Variants in CSTF2 observed in about 807,000 individuals in gnomAD.
CSTF2 encodes cleavage stimulation factor subunit 2.
Under a neutral mutation model 45.4 loss-of-function variants are expected in CSTF2, and 8 were observed. That is an observed-to-expected ratio of 0.18 (90% confidence interval 0.10 to 0.32). CSTF2 has a LOEUF of 0.32. CSTF2 is among the 10% of genes least tolerant of loss of function. CSTF2 has a pLI of 1.00. For synonymous variants in CSTF2, 155 were observed against 158.9 expected (o/e 0.98, Z 0.18); for missense variants, 253 against 477.1 (o/e 0.53, Z 4.38).
At position 100,823,286 on chromosome X, in the gene CSTF2, G is replaced by T. The variant is rs371055912; in HGVS notation, c.308-6G>T. ...CCTAACTTTCTTGTACTTTCTTCTT[G>T]ATTAGGCCTTGGCACTGGTGCCCCT... is the stretch of plus-strand genomic sequence containing the variant. On this transcript the variant is annotated splice_region_variant and splice_polypyrimidine_tract_variant and intron_variant, in intron 3 of 13. Transcript: ENST00000372972. The T allele has an allele frequency of 8.3e-5, 100 of 1,204,584 alleles. No individual in the cohort carries two copies. The highest frequency in any genetic ancestry group is 1.1e-4 in the Non-Finnish European group (97 of 892,887).
At chrX:100,838,417 G>C in intron 13 of CSTF2, 53 bp downstream of exon 13, 2 of 1,088,319 alleles carry the variant, frequency 1.8e-6, no homozygotes, top group South Asian at 2.7e-5. Flanking sequence ...TCTATTCTGG[G>C]TATATACTTT....
chrX:100,831,033 T>C (rs187412576), intron 8 of CSTF2, among the ~76,000 whole-genome samples: 195 of 111,431 alleles, frequency 1.7e-3, no homozygotes, highest in Admixed American at 6.1e-3. Context: ...AAGCCTAAGA[T>C]TGACCTCTTC....
At chrX:100,830,728 A>T (rs1161997055) in intron 8 of CSTF2, 2 of 723,053 alleles carry the variant, frequency 2.8e-6, no homozygotes, top group Non-Finnish European at 4.1e-6. Context: ...CTCAATCTCC[A>T]TGTGTGTGTG....
At chrX:100,836,627 G>A (rs933528602) in intron 11 of CSTF2, among the ~76,000 whole-genome samples, 3 of 111,801 alleles carry the variant, frequency 2.7e-5, no homozygotes. Context: ...TTTTCCTTGG[G>A]TTCTGGTAGT....
chrX:100,822,210 G>T, intron 2 of CSTF2, 41 bp from the exon 3 acceptor site: 1 of 1,115,155 alleles, frequency 9.0e-7, no homozygotes, highest in Non-Finnish European at 1.2e-6. Context: ...AACCCTGTAT[G>T]TGTGTAACAT....
intron 8 of CSTF2, 139 bp downstream of exon 8, chrX:100,828,241 C>T (rs182379967): frequency 2.2e-6 from 1 of 463,033 alleles, no homozygotes; most frequent in East Asian, 4.2e-5. Flanking sequence ...ATTTAAAACT[C>T]AGTTCCTCAG....
At chrX:100,837,681 TTTCA>T (rs1176215316) in intron 12 of CSTF2, among the ~76,000 whole-genome samples, 1 of 112,291 alleles carries the variant, frequency 8.9e-6, no homozygotes, top group Non-Finnish European at 1.9e-5. Flanking sequence ...TTATTTTATA[TTTCA>T]CACTCATCTG....
chrX:100,828,656 C>T (rs1195629002), intron 8 of CSTF2, among the ~76,000 whole-genome samples: 1 of 112,107 alleles, frequency 8.9e-6, no homozygotes, highest in East Asian at 2.8e-4. Flanking sequence ...CTGCTATATA[C>T]AACAGTAGCT....
rs762378220 is a variant in CSTF2 at position 100,832,836 on chromosome X, C to G, written c.1134C>G (p.Pro378=). The G allele has an allele frequency of 8.3e-7, 1 of 1,207,696 alleles. No homozygotes were observed. The highest frequency in any genetic ancestry group is 2.2e-5 in the Admixed American group (1 of 45,650). ...PPHELRGGPL[P]EPRPLMAEPR... is the part of the protein sequence containing the mutation. Reference sequence around the variant, plus strand: ...ATGAACTGAGGGGAGGGCCATTACCCGAGCCCAGACCTCTAATGGCAGAAC... The same window carrying G: ...ATGAACTGAGGGGAGGGCCATTACCGGAGCCCAGACCTCTAATGGCAGAAC... The change falls in exon 10 of 14, where the codon CCC becomes CCG. Residue 378 remains proline, a synonymous_variant. Coordinates refer to ENST00000372972, the MANE Select transcript of CSTF2 (RefSeq NM_001325.3).
rs1353070405 is a variant in CSTF2 at position 100,826,613 on chromosome X, CTG to C, written c.703-19_703-18del. 1.7e-6 allele frequency: 2 copies of C among 1,206,160 alleles called. No homozygotes were observed. The highest frequency in any genetic ancestry group is 1.7e-5 in the African/African-American group (1 of 57,633). The stretch of plus-strand genomic sequence containing the variant: ...GTATCCACAGAGGCATATACATACT[CTG>C]TTTTTTTTGCTTGGTCAGGGTGGAA... On this transcript the variant is annotated intron_variant, in intron 6 of 13. Transcript: ENST00000372972.
In CSTF2 at chrX:100,833,329, C is replaced by T. The variant is rs992645641; in HGVS notation, c.1357C>T (p.Arg453Cys). ...RAMEARAMEA[R>C]AMEVRGMEAR... ...AATGGAGGCCCGAGCGATGGAGGCCCGTGCAATGGAAGTCCGAGGGATGGA... is the reference window on the plus strand; with the variant it reads ...AATGGAGGCCCGAGCGATGGAGGCCTGTGCAATGGAAGTCCGAGGGATGGA... Residue 453 changes from arginine (R) to cysteine (C), a missense_variant, in exon 11 of 14, where the codon CGT becomes TGT. Around this residue, in one of 3 missense-constraint regions of CSTF2, gnomAD observed 200 missense variants for 294.0 expected, o/e 0.68. Transcript: ENST00000372972. 9 of 1,210,372 alleles carry T rather than the reference C, an allele frequency of 7.4e-6. No homozygotes were observed. Among genetic ancestry groups the T allele is most frequent in the Admixed American group, 2.2e-5 (1 of 45,959 alleles).
chrX:100,824,239 C>T lies in CSTF2; in HGVS notation c.684C>T (p.Ala228=). 1 of 1,209,094 alleles carries T rather than the reference C, an allele frequency of 8.3e-7. No individual in the cohort carries two copies. Among genetic ancestry groups the T allele is most frequent in the Non-Finnish European group, 1.1e-6 (1 of 894,414 alleles). The change falls in exon 6 of 14, where the codon GCC becomes GCT. Residue 228 remains alanine, a synonymous_variant. Transcript: ENST00000372972. ...NVSMNQQNPQ[A]PQAQSLGGMH... Reference sequence around the variant, plus strand: ...CAATGAACCAGCAGAATCCTCAGGCCCCTCAGGCCCAGTCTTTGGTAGGGC... The same window carrying T: ...CAATGAACCAGCAGAATCCTCAGGCTCCTCAGGCCCAGTCTTTGGTAGGGC...
In CSTF2 at chrX:100,826,625, CT is replaced by C; in HGVS notation, c.703-7del. The C allele has an allele frequency of 8.3e-7, 1 of 1,203,400 alleles. No individual in the cohort carries two copies. The highest frequency in any genetic ancestry group is 1.1e-6 in the Non-Finnish European group (1 of 891,577). ...GCATATACATACTCTGTTTTTTTTG[CT>C]TGGTCAGGGTGGAATGCATGTCAAT... On this transcript the variant is annotated splice_region_variant and splice_polypyrimidine_tract_variant and intron_variant, in intron 6 of 13. Coordinates refer to ENST00000372972, the MANE Select transcript of CSTF2 (RefSeq NM_001325.3).
chrX:100,830,985 G>A, intron 8 of CSTF2: 2 of 609,660 alleles, frequency 3.3e-6, no homozygotes, highest in Non-Finnish European at 5.0e-6. Flanking sequence ...TAGTGTTTTT[G>A]GGTTTTTGTT....
At chrX:100,828,231 A>G (rs1467300256) in intron 8 of CSTF2, 129 bp downstream of exon 8, 1 of 510,124 alleles carries the variant, frequency 2.0e-6, no homozygotes, top group Non-Finnish European at 3.0e-6. Flanking sequence ...ATTAAGTAAA[A>G]TTTAAAACTC....
At chrX:100,832,969 G>T in intron 10 of CSTF2, 60 bp downstream of exon 10, 11 of 1,091,817 alleles carry the variant, frequency 1.0e-5, no homozygotes, top group Non-Finnish European at 1.3e-5. Context: ...GCTCTAATCT[G>T]GGATAAAGAA....
In CSTF2 at chrX:100,820,391, G is replaced by A. The variant is rs2084911026; in HGVS notation, c.-26G>A. On this transcript the variant is annotated 5_prime_UTR_variant, in exon 1 of 14. Coordinates refer to ENST00000372972, the MANE Select transcript of CSTF2 (RefSeq NM_001325.3). The stretch of plus-strand genomic sequence containing the variant: ...GCTCCGTACGGAAGTGTGCTTTGGC[G>A]CACCGGAAGCCGACTCAACAGAGCT... 8.3e-7 allele frequency: 1 copy of A among 1,208,200 alleles called. No individual in the cohort carries two copies. Among genetic ancestry groups the A allele is most frequent in the Non-Finnish European group, 1.1e-6 (1 of 891,911 alleles).
At chrX:100,837,303 A>C in intron 11 of CSTF2, 36 bp from the exon 12 acceptor site, 1 of 1,084,181 alleles carries the variant, frequency 9.2e-7, no homozygotes, top group Non-Finnish European at 1.3e-6. Flanking sequence ...TACATTAAAA[A>C]TGCCAAAAAT....
chrX:100,838,162 G>T, intron 12 of CSTF2, 77 bp from the exon 13 acceptor site: 1 of 995,574 alleles, frequency 1.0e-6, no homozygotes, highest in Non-Finnish European at 1.3e-6. Context: ...GAAGCTGGTG[G>T]TGGGTTTTTT....
Sources: allele counts gnomAD v4.1 joint callset (sites outside exome capture counted in the v4.1 genomes callset), GRCh38; gene constraint gnomAD v4.1.1; regional missense constraint gnomAD v4.1.1; transcripts MANE v1.5; gene names NCBI Gene and HGNC (gene_info 2026-07-23, HGNC 2026-07-21).